Variants in KBTBD4 observed in about 807,000 individuals in gnomAD.
KBTBD4 encodes the protein kelch repeat and BTB domain containing 4, also known as kelch repeat and BTB domain-containing protein 4.
A neutral mutation model predicts 43.9 loss-of-function variants in KBTBD4; 30 were observed. The observed-to-expected ratio is 0.68, with a 90% CI of 0.51 to 0.93. The LOEUF is 0.93. Ranked by LOEUF, KBTBD4 falls within the 40% of genes least tolerant of loss-of-function variation. KBTBD4 has a pLI of 0.00. For missense variants in KBTBD4, 575 were observed against 668.8 expected (o/e 0.86, Z 1.55); for synonymous variants, 258 against 256.9 (o/e 1.00, Z -0.04).
intron 1 of KBTBD4, chr11:47,578,424 T>C (rs960019785): frequency 1.8e-6 from 1 of 568,854 alleles, no homozygotes; most frequent in South Asian, 2.3e-5. Flanking sequence ...TCAGGGGCAG[T>C]AGAATCAGAC....
At chr11:47,577,336 T>C in intron 2 of KBTBD4, 75 bp downstream of exon 2, 5 of 1,437,488 alleles carry the variant, frequency 3.5e-6, no homozygotes, top group Non-Finnish European at 4.7e-6. Flanking sequence ...GAGGGTTCTT[T>C]TCTCCTAAAC....
intron 1 of KBTBD4, 197 bp downstream of exon 1, chr11:47,578,736 C>T (rs2097265227): frequency 6.9e-7 from 1 of 1,457,686 alleles, no homozygotes; most frequent in Non-Finnish European, 9.2e-7. Context: ...CCCGCTCAGG[C>T]CCGCCCGCCC....
Position 47,573,265 on chromosome 11 carries a change from C to A in KBTBD4, c.1270G>T (p.Asp424Tyr), listed in dbSNP as rs754909672. The A allele has an allele frequency of 8.1e-6, 13 of 1,614,144 alleles. No individual in the cohort carries two copies. In the South Asian group the frequency reaches 1.4e-4, roughly 18 times the overall value. Residue 424 changes from aspartate to tyrosine, a missense_variant, in exon 4 of 4, where the codon GAC becomes TAC. Coordinates refer to ENST00000430070, the MANE Select transcript of KBTBD4 (RefSeq NM_018095.6). The surrounding 1 kb of genome is among the most constrained non-coding windows in gnomAD (Gnocchi z 4.1). ...RLIQCFDTET[D>Y]KCHVKPYVLP... Reference sequence around the variant, plus strand: ...ACATAGGGCTTCACATGGCATTTGTCTGTCTCTGTGTCAAAGCACTGGATG... The same window carrying A: ...ACATAGGGCTTCACATGGCATTTGTATGTCTCTGTGTCAAAGCACTGGATG...
Position 47,578,946 on chromosome 11 carries a change from T to G in KBTBD4, c.6A>C (p.Lys2Asn), listed in dbSNP as rs750002564. 7.1e-6 allele frequency: 11 copies of G among 1,551,648 alleles called. No individual in the cohort carries two copies. Among genetic ancestry groups the G allele is most frequent in the Non-Finnish European group, 9.6e-6 (11 of 1,147,024 alleles). ...TCGCTTTCTCACCTGCGTTCCCTCC[T>G]TTCATCCCGGAGCCCGGAACCTCCG... is the stretch of plus-strand genomic sequence containing the variant. The part of the protein sequence containing the change: M[K>N]GGNADSWQRE... Residue 2 changes from lysine (K) to asparagine (N), a missense_variant, in exon 1 of 4, where the codon AAA becomes AAC. Transcript: ENST00000430070.
In KBTBD4 at chr11:47,573,697, A is replaced by C. The variant is rs778273465; in HGVS notation, c.838T>G (p.Ser280Ala). 1 of 1,609,400 alleles carries C rather than the reference A, an allele frequency of 6.2e-7. No individual in the cohort carries two copies. Among genetic ancestry groups the C allele is most frequent in the South Asian group, 1.1e-5 (1 of 91,088 alleles). The stretch of plus-strand genomic sequence containing the variant: ...CTGTTTTGGCCACTTACACTGATGG[A>C]GTCATCTTCTGCACAGTGCAAGGAC... Reference protein sequence around the residue: ...AVSLHCAEDDSISVSGQNSLC... With the variant: ...AVSLHCAEDDAISVSGQNSLC... The change falls in exon 4 of 4, where the codon TCC becomes GCC. Residue 280 changes from serine (S) to alanine (A), a missense_variant. Physicochemically the swap from Ser to Ala is moderately conservative, Grantham distance 99 (BLOSUM62 1). Coordinates refer to ENST00000430070, the MANE Select transcript of KBTBD4 (RefSeq NM_018095.6). This position sits in a 1 kb window ranked among gnomAD's most constrained non-coding sequence, Gnocchi z 4.1.
Position 47,573,793 on chromosome 11 carries a change from A to T in KBTBD4, c.745-3T>A, listed in dbSNP as rs757673059. ...ATGTGCACATTCTCCCCAATTTCCT[A>T]TTGGCAAAATTAAAATTATATGACA... On this transcript the variant is annotated splice_polypyrimidine_tract_variant and splice_region_variant and intron_variant, in intron 3 of 3. Transcript: ENST00000430070. This position sits in a 1 kb window ranked among gnomAD's most constrained non-coding sequence, Gnocchi z 4.1. 1.4e-5 allele frequency: 22 copies of T among 1,564,638 alleles called. 1 individual carries two copies. The highest frequency in any genetic ancestry group is 1.7e-5 in the Non-Finnish European group (20 of 1,156,812).
chr11:47,577,674 T>G lies in KBTBD4; in HGVS notation c.374A>C (p.Lys125Thr). ...LVDYIYHGTV[K>T]LRAEELQEIY... Reference sequence around the variant, plus strand: ...TTCCTGCAACTCCTCAGCTCGAAGTTTCACAGTCCCATGGTAGATATAATC... The same window carrying G: ...TTCCTGCAACTCCTCAGCTCGAAGTGTCACAGTCCCATGGTAGATATAATC... Residue 125 changes from lysine (K) to threonine (T), a missense_variant, in exon 2 of 4, where the codon AAA becomes ACA. By Grantham distance (78) the Lys-to-Thr change is moderately conservative (BLOSUM62 -1). Transcript: ENST00000430070. The G allele has an allele frequency of 6.2e-7, 1 of 1,614,158 alleles. No individual in the cohort carries two copies. The highest frequency in any genetic ancestry group is 8.5e-7 in the Non-Finnish European group (1 of 1,180,018).
chr11:47,577,339 T>C, intron 2 of KBTBD4, 72 bp downstream of exon 2: 3 of 1,454,886 alleles, frequency 2.1e-6, no homozygotes, highest in Non-Finnish European at 2.8e-6. Context: ...GGTTCTTTTC[T>C]CCTAAACTAG....
chr11:47,574,485 A>G (rs1170021844), intron 3 of KBTBD4, among the ~76,000 whole-genome samples: 1 of 151,900 alleles, frequency 6.6e-6, no homozygotes, highest in Non-Finnish European at 1.5e-5. Flanking sequence ...AGACGGAGTA[A>G]GACTCTGTCT....
chr11:47,578,890 G>C (rs986185506), intron 1 of KBTBD4, 43 bp downstream of exon 1: 1 of 1,550,964 alleles, frequency 6.4e-7, no homozygotes, highest in Non-Finnish European at 8.7e-7. Context: ...CTAGGACCAC[G>C]CTCACCTCAC....
chr11:47,578,918 G>A lies in KBTBD4; in HGVS notation c.19+15C>T, dbSNP rs1424159810. ...CACCTCACGATTTCCCTACCTGCCT[G>A]TCTCGCTTTCTCACCTGCGTTCCCT... On this transcript the variant is annotated intron_variant, in intron 1 of 3. Coordinates refer to ENST00000430070, the MANE Select transcript of KBTBD4 (RefSeq NM_018095.6). 6.4e-7 allele frequency: 1 copy of A among 1,551,700 alleles called. No homozygotes were observed. Among genetic ancestry groups the A allele is most frequent in the Non-Finnish European group, 8.7e-7 (1 of 1,147,004 alleles).
chr11:47,576,381 C>G (rs1294240631), intron 2 of KBTBD4: 1 of 139,156 alleles, frequency 7.2e-6, no homozygotes, highest in Non-Finnish European at 1.6e-5. Flanking sequence ...GATCTGACCT[C>G]GTGATCTGCC....
intron 2 of KBTBD4, 30 bp downstream of exon 2, chr11:47,577,381 G>C: frequency 6.4e-7 from 1 of 1,561,930 alleles, no homozygotes; most frequent in South Asian, 1.2e-5. Context: ...CCAAGTAACT[G>C]GGTATGGTGT....
At chr11:47,576,049 C>G (rs6485760) in intron 2 of KBTBD4, among the ~76,000 whole-genome samples, 149,575 of 151,988 alleles carry the variant, frequency 0.98, 73,633 homozygotes, top group East Asian at 1. Flanking sequence ...GACAAGGTCT[C>G]ACTGTTGTCC....
At chr11:47,574,395 G>T (rs1220834797) in intron 3 of KBTBD4, among the ~76,000 whole-genome samples, 2 of 152,142 alleles carry the variant, frequency 1.3e-5, no homozygotes, top group Non-Finnish European at 2.9e-5. Flanking sequence ...TACTCGGGAG[G>T]CTGAGACAGA....
At position 47,575,684 on chromosome 11, in the gene KBTBD4, G is replaced by T; in HGVS notation, c.653C>A (p.Ser218Tyr). ...TTCTATTGCCTCTGTTGGGTTCTGAGAACACGGAACTCCATCTGTGAGAGC... is the reference window on the plus strand; with the variant it reads ...TTCTATTGCCTCTGTTGGGTTCTGATAACACGGAACTCCATCTGTGAGAGC... ...TDIISDGVPC[S>Y]QNPTEAIEAW... The change falls in exon 3 of 4, where the codon TCT becomes TAT. Residue 218 changes from serine to tyrosine, a missense_variant. Transcript: ENST00000430070. 6.2e-7 allele frequency: 1 copy of T among 1,606,558 alleles called. No individual in the cohort carries two copies. Among genetic ancestry groups the T allele is most frequent in the South Asian group, 1.1e-5 (1 of 90,112 alleles).
At chr11:47,578,729 G>A (rs1411018020) in intron 1 of KBTBD4, 2 of 1,437,158 alleles carry the variant, frequency 1.4e-6, no homozygotes, top group Admixed American at 2.2e-5. Context: ...CGTTCTTCCC[G>A]CTCAGGCCCG....
rs2097251468 is a variant in KBTBD4, at chr11:47,572,776, A to C, written c.*154T>G. Reference sequence around the variant, plus strand: ...GAGCAGCAGCAGTCTAAAAAGCCCCAAACAGAACACCTCCATGGATTCAGG... The same window carrying C: ...GAGCAGCAGCAGTCTAAAAAGCCCCCAACAGAACACCTCCATGGATTCAGG... On this transcript the variant is annotated 3_prime_UTR_variant, in exon 4 of 4. Transcript: ENST00000430070. The C allele has an allele frequency of 1.2e-6, 1 of 807,088 alleles. No individual in the cohort carries two copies. The highest frequency in any genetic ancestry group is 1.9e-5 in the South Asian group (1 of 53,094). 50.0% of individuals were successfully genotyped at this position (807,088 alleles called of 1,614,324 possible). A position where few individuals can be genotyped will look rare whatever the true frequency, so the allele number is the denominator to read the frequency against.
chr11:47,574,812 C>T (rs1033826856), intron 3 of KBTBD4, among the ~76,000 whole-genome samples: 1 of 151,896 alleles, frequency 6.6e-6, no homozygotes, highest in African/African-American at 2.4e-5. Context: ...CGAGATCGCA[C>T]CATCGCACTC....
Sources: allele counts gnomAD v4.1 joint callset (sites outside exome capture counted in the v4.1 genomes callset), GRCh38; gene constraint gnomAD v4.1.1; non-coding constraint Gnocchi (gnomAD v3.1); transcripts MANE v1.5; gene names NCBI Gene and HGNC (gene_info 2026-07-23, HGNC 2026-07-21).